The following KCNIP4 variants were observed in gnomAD, a reference collection of about 807,000 sequenced individuals.
KCNIP4 encodes Kv channel-interacting protein 4.
A neutral mutation model predicts 34.0 loss-of-function variants in KCNIP4; 12 were observed. The ratio of observed to expected loss-of-function variants is 0.35; its 90% CI spans 0.23 to 0.57. KCNIP4 has a LOEUF of 0.57. Among genes scored for constraint, KCNIP4 ranks in the 20% least tolerant of loss-of-function variants. KCNIP4 has a pLI of 0.83. For missense variants in KCNIP4, 238 were observed against 311.7 expected (o/e 0.76, Z 1.78); for synonymous variants, 124 against 102.2 (o/e 1.21, Z -1.29).
rs190178647 is a variant in KCNIP4, at chr4:21,654,703, C to A, written c.61+293868G>T. Among the ~76,000 whole-genome samples, 547 of 152,110 alleles carry A rather than the reference C, an allele frequency of 3.6e-3. 3 individuals are homozygous for A. The highest frequency in any genetic ancestry group is 0.013 in the African/African-American group (524 of 41,504). On this transcript the variant is annotated intron_variant, in intron 1 of 8. Transcript: ENST00000382152. Reference sequence around the variant, plus strand: ...CTTTGGGACGCCGAGGCAGGCAGATCACGAGGTCAGGAGATCGAGACCATC... The same window carrying A: ...CTTTGGGACGCCGAGGCAGGCAGATAACGAGGTCAGGAGATCGAGACCATC...
At chr4:21,150,574 T>C (rs895196488) in intron 1 of KCNIP4, among the ~76,000 whole-genome samples, 2 of 152,162 alleles carry the variant, frequency 1.3e-5, no homozygotes, top group African/African-American at 4.8e-5. Context: ...CATGTATGCA[T>C]TGGAGGAGTT....
At chr4:21,587,860 T>C (rs1277581097) in intron 1 of KCNIP4, among the ~76,000 whole-genome samples, 1 of 152,074 alleles carries the variant, frequency 6.6e-6, no homozygotes, top group Non-Finnish European at 1.5e-5. Flanking sequence ...GAGATGCATA[T>C]GAATACATAT....
rs557174080 is a variant in KCNIP4, at chr4:20,813,182, C to T, written c.288+37361G>A. On this transcript the variant is annotated intron_variant, in intron 3 of 8. Transcript: ENST00000382152. ...CTACCATTGAAGATACTGAGAATGG[C>T]AGGAAGCTAATGAAATAAATCAAAG... Among the ~76,000 whole-genome samples the T allele has an allele frequency of 6.6e-5, 10 of 152,078 alleles. No homozygotes were observed. In the South Asian group the frequency reaches 2.1e-3, roughly 32 times the overall value.
chr4:21,916,741 C>T (rs1000101107), intron 1 of KCNIP4, among the ~76,000 whole-genome samples: 1 of 152,164 alleles, frequency 6.6e-6, no homozygotes, highest in Non-Finnish European at 1.5e-5. Context: ...AAGAACAACT[C>T]AAATGACGTT....
At chr4:20,967,475 G>C (rs977049105) in intron 1 of KCNIP4, among the ~76,000 whole-genome samples, 2 of 152,068 alleles carry the variant, frequency 1.3e-5, no homozygotes, top group African/African-American at 4.8e-5. Context: ...CAGCCAAGAC[G>C]ATCCTAAGCA....
chr4:20,882,487 A>T, intron 2 of KCNIP4, 121 bp downstream of exon 2: 1 of 701,494 alleles, frequency 1.4e-6, no homozygotes, highest in Non-Finnish European at 2.4e-6. Context: ...AAACATGAGT[A>T]CATCAATAGA....
intron 1 of KCNIP4, among the ~76,000 whole-genome samples, chr4:21,278,169 T>C (rs1762551138): frequency 6.6e-6 from 1 of 152,138 alleles, no homozygotes; most frequent in Non-Finnish European, 1.5e-5. Context: ...GAAGAGGATG[T>C]GGAATGTAAC....
At chr4:21,059,527 G>A (rs1402956348) in intron 1 of KCNIP4, among the ~76,000 whole-genome samples, 1 of 151,792 alleles carries the variant, frequency 6.6e-6, no homozygotes, top group Non-Finnish European at 1.5e-5. Flanking sequence ...AGAGGGACCC[G>A]AGACCACACC....
chr4:20,968,125 C>G (rs1376753693), intron 1 of KCNIP4, among the ~76,000 whole-genome samples: 1 of 152,164 alleles, frequency 6.6e-6, no homozygotes, highest in Non-Finnish European at 1.5e-5. Flanking sequence ...AGGATATGAA[C>G]AAACACTTCT....
intron 1 of KCNIP4, among the ~76,000 whole-genome samples, chr4:21,377,795 TG>T (rs2109462771): frequency 6.6e-6 from 1 of 152,348 alleles, no homozygotes; most frequent in East Asian, 1.9e-4. Flanking sequence ...ATAGTTCCTC[TG>T]GTCCTAACCA....
At chr4:21,896,933 T>TAATA (rs57096209) in intron 1 of KCNIP4, among the ~76,000 whole-genome samples, 5,281 of 147,308 alleles carry the variant, frequency 0.036, 113 homozygotes, top group Non-Finnish European at 0.04. Flanking sequence ...CATAAATAAA[T>TAATA]AATAAATAAA....
At chr4:21,856,423 G>C (rs1578075453) in intron 1 of KCNIP4, among the ~76,000 whole-genome samples, 1 of 152,342 alleles carries the variant, frequency 6.6e-6, no homozygotes, top group East Asian at 1.9e-4. Context: ...CATCTGGAGT[G>C]GCTGCTGCCA....
intron 1 of KCNIP4, among the ~76,000 whole-genome samples, chr4:21,243,875 CA>C (rs1373805234): frequency 1.3e-5 from 2 of 152,058 alleles, no homozygotes; most frequent in African/African-American, 4.8e-5. Flanking sequence ...AATTAATGGT[CA>C]GTTTTTTGGA....
At chr4:21,276,405 T>C (rs1350929133) in intron 1 of KCNIP4, among the ~76,000 whole-genome samples, 4 of 151,074 alleles carry the variant, frequency 2.6e-5, no homozygotes. Flanking sequence ...TTTCACCATG[T>C]TGGCCAGGCT....
chr4:21,074,553 G>T (rs576012939), intron 1 of KCNIP4, among the ~76,000 whole-genome samples: 4 of 151,930 alleles, frequency 2.6e-5, no homozygotes, highest in African/African-American at 9.7e-5. Flanking sequence ...TCTTGCTAGC[G>T]CTCTATTAAC....
intron 1 of KCNIP4, among the ~76,000 whole-genome samples, chr4:21,352,524 CT>C (rs940638116): frequency 6.6e-6 from 1 of 152,240 alleles, no homozygotes; most frequent in Non-Finnish European, 1.5e-5. Flanking sequence ...TTGCTCACTG[CT>C]AGCGCAGCAG....
chr4:21,303,396 T>C (rs1711972827), intron 1 of KCNIP4, among the ~76,000 whole-genome samples: 1 of 152,210 alleles, frequency 6.6e-6, no homozygotes, highest in Non-Finnish European at 1.5e-5. Context: ...TTCCATTTGA[T>C]CAATGTATTT....
intron 1 of KCNIP4, among the ~76,000 whole-genome samples, chr4:21,350,757 T>C (rs951540011): frequency 3.9e-5 from 6 of 152,198 alleles, no homozygotes; most frequent in Admixed American, 2.6e-4. Flanking sequence ...TGCCCATCCC[T>C]AAATGTGTGT....
chr4:20,737,926 GTT>G (rs1750044555), intron 5 of KCNIP4, among the ~76,000 whole-genome samples: 1 of 152,130 alleles, frequency 6.6e-6, no homozygotes, highest in South Asian at 2.1e-4. Flanking sequence ...GAGTCCAAGA[GTT>G]TGCAAGCAGC....
Sources: gnomAD v4.1 joint callset for allele counts (sites outside exome capture counted in the v4.1 genomes callset) on GRCh38, gnomAD v4.1.1 for gene constraint, MANE v1.5 for transcripts, NCBI Gene and HGNC (gene_info 2026-07-23, HGNC 2026-07-21) for gene names.